Variants in RBPJ observed in about 807,000 individuals in gnomAD.
The protein encoded by RBPJ is recombination signal binding protein for immunoglobulin kappa J region, also known as recombining binding protein suppressor of hairless.
Under a neutral mutation model 67.8 loss-of-function variants are expected in RBPJ, and 9 were observed. The observed-to-expected ratio is 0.13, with a 90% CI of 0.08 to 0.23. The LOEUF is 0.23. Among genes scored for constraint, RBPJ ranks in the 10% least tolerant of loss-of-function variants. RBPJ has a pLI of 1.00. For synonymous variants in RBPJ, 198 were observed against 203.3 expected, an observed-to-expected ratio of 0.97 and a Z score of 0.22; for missense variants, 305 against 595.6, an observed-to-expected ratio of 0.51 and a Z score of 5.08.
chr4:26,350,276 A>T (rs1726661917), intron 1 of RBPJ, among the ~76,000 whole-genome samples: 2 of 152,218 alleles, frequency 1.3e-5, no homozygotes, highest in Non-Finnish European at 2.9e-5. Context: ...TTTTTCTAAT[A>T]CTAGTTTCCC....
chr4:26,406,496 G>A (rs545810703), intron 3 of RBPJ, among the ~76,000 whole-genome samples: 35 of 152,288 alleles, frequency 2.3e-4, no homozygotes, highest in Non-Finnish European at 4.0e-4. Flanking sequence ...TGGAGACAGA[G>A]GACCTCTCAG....
rs559851729 is a variant in RBPJ, at chr4:26,245,131, A to G, written c.-167+81517A>G. 6.1e-4 allele frequency among the ~76,000 whole-genome samples: 92 copies of G among 151,616 alleles called. 1 individual carries two copies. Among genetic ancestry groups the G allele is most frequent in the African/African-American group, 2.1e-3 (89 of 41,406 alleles). ...ATTGCAGAACTTTTTTATTACTCCA[A>G]GAAAGAAACACTATCCATTAGCAGT... On this transcript the variant is annotated intron_variant, in intron 1 of 4. Transcript: ENST00000512351.
At chr4:26,162,493 A>G (rs549050268), upstream of RBPJ, among the ~76,000 whole-genome samples, 1 of 152,336 alleles carries the variant, frequency 6.6e-6, no homozygotes, top group Non-Finnish European at 1.5e-5. Flanking sequence ...GATGCATTCA[A>G]TGTTACTTTA....
chr4:26,173,137 T>C (rs10012757), intron 1 of RBPJ, among the ~76,000 whole-genome samples: 1 of 152,138 alleles, frequency 6.6e-6, no homozygotes, highest in Non-Finnish European at 1.5e-5. Flanking sequence ...ATTTTTTCTT[T>C]CTTTTTTTCT....
chr4:26,385,115 G>A (rs910906776), intron 1 of RBPJ, among the ~76,000 whole-genome samples: 4 of 149,156 alleles, frequency 2.7e-5, no homozygotes, highest in African/African-American at 1.0e-4. Flanking sequence ...CTGCCTCCTG[G>A]GTTCAAGCGA....
intron 1 of RBPJ, among the ~76,000 whole-genome samples, chr4:26,249,518 G>A (rs1489287565): frequency 1.3e-5 from 2 of 151,786 alleles, no homozygotes; most frequent in Admixed American, 6.6e-5. Flanking sequence ...AAAATTAGCC[G>A]GGCATGGTGG....
chr4:26,341,107 G>C (rs1308607018), intron 1 of RBPJ, among the ~76,000 whole-genome samples: 1 of 152,184 alleles, frequency 6.6e-6, no homozygotes, highest in Non-Finnish European at 1.5e-5. Context: ...ATCAAGATCT[G>C]TGTTGGTGGC....
chr4:26,185,277 C>A (rs904364939), intron 1 of RBPJ, among the ~76,000 whole-genome samples: 4 of 151,794 alleles, frequency 2.6e-5, no homozygotes, highest in African/African-American at 9.7e-5. Flanking sequence ...ATTTCTCACC[C>A]TCTAAGTTCT....
chr4:26,214,548 GGAGGGAAAA>G, intron 1 of RBPJ, among the ~76,000 whole-genome samples: 1 of 72,530 alleles, frequency 1.4e-5, no homozygotes, highest in African/African-American at 5.5e-5. Flanking sequence ...AGGGAGGGAG[GGAGGGAAAA>G]GAGAGAGAAA....
chr4:26,119,844 G>A, the RBPJ span, among the ~76,000 whole-genome samples: 3 of 152,184 alleles, frequency 2.0e-5, no homozygotes, highest in Non-Finnish European at 2.9e-5. Flanking sequence ...TAAAATGGCT[G>A]AGAGTTACAA....
chr4:26,184,181 C>CA (rs150415692), intron 1 of RBPJ, among the ~76,000 whole-genome samples: 18,517 of 89,168 alleles, frequency 0.21, 1,378 homozygotes, highest in Middle Eastern at 0.24. Flanking sequence ...GACTTCATCT[C>CA]AAAAAAAAAA....
At chr4:26,305,716 A>T (rs1268219158) in intron 1 of RBPJ, among the ~76,000 whole-genome samples, 1 of 145,290 alleles carries the variant, frequency 6.9e-6, no homozygotes, top group East Asian at 2.1e-4. Flanking sequence ...GGCTGAATAT[A>T]TGTGTTAGTG....
intron 1 of RBPJ, among the ~76,000 whole-genome samples, chr4:26,373,732 A>G (rs13119840): frequency 0.5 from 75,761 of 151,962 alleles, 20,099 homozygotes; most frequent in Admixed American, 0.62. Context: ...CCCTACTGCA[A>G]TTGTAACATA....
intron 1 of RBPJ, among the ~76,000 whole-genome samples, chr4:26,276,592 CACAGTGA>C (rs1377838223): frequency 6.6e-6 from 1 of 152,172 alleles, no homozygotes; most frequent in Non-Finnish European, 1.5e-5. Context: ...TTGCTGTCAA[CACAGTGA>C]AATTCTGTCC....
the RBPJ span, among the ~76,000 whole-genome samples, chr4:26,115,407 C>T: frequency 1.3e-5 from 2 of 151,018 alleles, no homozygotes; most frequent in Admixed American, 1.3e-4. Context: ...TTTTTTGAGA[C>T]GGAGTCTCGC....
At chr4:26,149,181 A>G in the RBPJ span, among the ~76,000 whole-genome samples, 1 of 152,238 alleles carries the variant, frequency 6.6e-6, no homozygotes, top group South Asian at 2.1e-4. Flanking sequence ...CATACATGAC[A>G]TTGTTGAGGG....
intron 2 of RBPJ, among the ~76,000 whole-genome samples, chr4:26,390,405 C>T (rs1202469053): frequency 6.6e-6 from 1 of 151,910 alleles, no homozygotes; most frequent in Non-Finnish European, 1.5e-5. Flanking sequence ...ACTATAAGGC[C>T]AGAAAAAGAA....
intron 1 of RBPJ, among the ~76,000 whole-genome samples, chr4:26,292,547 A>G (rs2109289090): frequency 6.7e-6 from 1 of 150,096 alleles, no homozygotes; most frequent in East Asian, 2.0e-4. Context: ...CAGCCTCCCG[A>G]GTAGCTGGGA....
At chr4:26,384,202 A>G (rs1730586893) in intron 1 of RBPJ, among the ~76,000 whole-genome samples, 1 of 152,212 alleles carries the variant, frequency 6.6e-6, no homozygotes, top group African/African-American at 2.4e-5. Context: ...AAGCAGAACT[A>G]ATTATACATC....
Sources: allele counts gnomAD v4.1 joint callset (sites outside exome capture counted in the v4.1 genomes callset), GRCh38; gene constraint gnomAD v4.1.1; transcripts MANE v1.5; gene names NCBI Gene and HGNC (gene_info 2026-07-23, HGNC 2026-07-21).